CHCHD6: variants seen among roughly 807,000 people sequenced by gnomAD.
CHCHD6 encodes coiled-coil-helix-coiled-coil-helix domain containing 6.
In CHCHD6, 28 loss-of-function variants were observed where a neutral mutation model predicts 32.3. That is an observed-to-expected ratio of 0.87 (90% CI 0.64 to 1.19). CHCHD6 has a LOEUF of 1.19. Ranked by LOEUF, CHCHD6 falls within the 50% of genes most tolerant of loss-of-function variation. The pLI is 0.00. For missense variants in CHCHD6, 333 were observed against 307.0 expected (o/e 1.08, Z -0.63); for synonymous variants, 122 against 117.5 (o/e 1.04, Z -0.25).
intron 4 of CHCHD6, among the ~76,000 whole-genome samples, chr3:126,735,560 C>T (rs988047612): frequency 5.3e-5 from 8 of 151,312 alleles, no homozygotes; most frequent in Admixed American, 3.9e-4. Context: ...GATTGTAATT[C>T]CTCTGTGGAA....
intron 4 of CHCHD6, among the ~76,000 whole-genome samples, chr3:126,751,036 C>T (rs1349840545): frequency 6.6e-6 from 1 of 152,108 alleles, no homozygotes; most frequent in South Asian, 2.1e-4. Context: ...TCTAAGGCTT[C>T]TCATCTTTCT....
At position 126,960,280 on chromosome 3, in the gene CHCHD6, G is replaced by T; in HGVS notation, c.*79G>T. 1 of 1,525,344 alleles carries T rather than the reference G, an allele frequency of 6.6e-7. No homozygotes were observed. Among genetic ancestry groups the T allele is most frequent in the Non-Finnish European group, 8.9e-7 (1 of 1,125,320 alleles). 94.5% of individuals were successfully genotyped at this position (1,525,344 alleles called of 1,614,324 possible). ...CCAATCATGGGACCACAGCCACTGT[G>T]CCCTGCCGTTTCCTGCTGGGCCCCT... On this transcript the variant is annotated 3_prime_UTR_variant, in exon 8 of 8. Transcript: ENST00000290913.
intron 6 of CHCHD6, among the ~76,000 whole-genome samples, chr3:126,928,742 C>T (rs1484216907): frequency 6.6e-6 from 1 of 152,214 alleles, no homozygotes; most frequent in Non-Finnish European, 1.5e-5. Context: ...GTTCCAACGT[C>T]ATCATTCCCA....
intron 1 of CHCHD6, among the ~76,000 whole-genome samples, chr3:126,708,722 T>G (rs1934619498): frequency 1.3e-5 from 2 of 152,038 alleles, no homozygotes; most frequent in South Asian, 2.1e-4. Flanking sequence ...TTTCAATGCT[T>G]TTTAGTAAAC....
At chr3:126,853,272 AC>A (rs201444710) in intron 5 of CHCHD6, among the ~76,000 whole-genome samples, 4 of 148,106 alleles carry the variant, frequency 2.7e-5, no homozygotes, top group African/African-American at 1.0e-4. Flanking sequence ...AAAAAAAAAA[AC>A]CCCTACCACG....
intron 6 of CHCHD6, among the ~76,000 whole-genome samples, chr3:126,918,334 G>A (rs1424715753): frequency 6.6e-6 from 1 of 152,204 alleles, no homozygotes; most frequent in Admixed American, 6.5e-5. Flanking sequence ...TAAACTAGAT[G>A]TCCATGTATT....
intron 4 of CHCHD6, among the ~76,000 whole-genome samples, chr3:126,835,056 A>G (rs1433730385): frequency 6.6e-6 from 1 of 152,258 alleles, no homozygotes; most frequent in East Asian, 1.9e-4. Flanking sequence ...TTCTCCAGAG[A>G]AGTAGCCCGG....
chr3:126,770,596 GTT>G (rs1937525918), intron 4 of CHCHD6, among the ~76,000 whole-genome samples: 1 of 152,146 alleles, frequency 6.6e-6, no homozygotes, highest in African/African-American at 2.4e-5. Context: ...ATGTGGTTTT[GTT>G]TTTAGTTCAG....
At chr3:126,937,026 C>G (rs1205740763) in intron 6 of CHCHD6, among the ~76,000 whole-genome samples, 1 of 152,220 alleles carries the variant, frequency 6.6e-6, no homozygotes, top group Non-Finnish European at 1.5e-5. Context: ...TGGTTTGTGT[C>G]CCTGAGGAAT....
chr3:126,858,209 G>A (rs1010087387), intron 5 of CHCHD6, among the ~76,000 whole-genome samples: 1 of 151,416 alleles, frequency 6.6e-6, no homozygotes, highest in Non-Finnish European at 1.5e-5. Flanking sequence ...AAGGGGTGAA[G>A]GCAGCACAGC....
At chr3:126,888,229 A>G (rs367964268) in intron 5 of CHCHD6, among the ~76,000 whole-genome samples, 4 of 152,262 alleles carry the variant, frequency 2.6e-5, no homozygotes, top group South Asian at 2.1e-4. Context: ...TGGGGTTACC[A>G]TGCCACCAGG....
At chr3:126,771,208 TC>T (rs1559833978) in intron 4 of CHCHD6, among the ~76,000 whole-genome samples, 2 of 148,330 alleles carry the variant, frequency 1.3e-5, no homozygotes, top group East Asian at 3.9e-4. Context: ...TTTTTCCTTT[TC>T]TTTTTTTTTT....
intron 5 of CHCHD6, among the ~76,000 whole-genome samples, chr3:126,854,483 G>A (rs1227671461): frequency 1.3e-5 from 2 of 152,190 alleles, no homozygotes; most frequent in Non-Finnish European, 2.9e-5. Context: ...AATTGTATTA[G>A]TTTTGAAAAA....
intron 4 of CHCHD6, among the ~76,000 whole-genome samples, chr3:126,815,651 C>T (rs868186177): frequency 2.0e-5 from 3 of 150,626 alleles, no homozygotes; most frequent in Admixed American, 1.3e-4. Context: ...TTGCCCCCCC[C>T]CCCCCATCTG....
At chr3:126,920,211 C>CTTT (rs11414526) in intron 6 of CHCHD6, among the ~76,000 whole-genome samples, 3,513 of 138,100 alleles carry the variant, frequency 0.025, 53 homozygotes, top group Non-Finnish European at 0.034. Flanking sequence ...ATTTGCTTTG[C>CTTT]TTTTTTTTTT....
intron 6 of CHCHD6, among the ~76,000 whole-genome samples, chr3:126,947,723 G>A (rs2078659388): frequency 6.6e-6 from 1 of 152,176 alleles, no homozygotes; most frequent in Admixed American, 6.5e-5. Flanking sequence ...ACTCTCAAAT[G>A]AGGCCGAATT....
At chr3:126,862,692 C>T (rs1168460546) in intron 5 of CHCHD6, among the ~76,000 whole-genome samples, 4 of 125,536 alleles carry the variant, frequency 3.2e-5, no homozygotes, top group Admixed American at 7.8e-5. Context: ...CCTCCCCCTC[C>T]TCCACCATCA....
chr3:126,957,266 C>T, intron 6 of CHCHD6, 150 bp from the exon 7 acceptor site: 1 of 857,108 alleles, frequency 1.2e-6, no homozygotes, highest in Non-Finnish European at 1.8e-6. Flanking sequence ...CGGGAAAGCA[C>T]AGTGCTTCTC....
At chr3:126,926,233 CA>C (rs1207628752) in intron 6 of CHCHD6, among the ~76,000 whole-genome samples, 2 of 152,362 alleles carry the variant, frequency 1.3e-5, no homozygotes, top group East Asian at 1.9e-4. Context: ...CTGCCACTTA[CA>C]TGTCTGTTTT....
Sources: allele counts gnomAD v4.1 joint callset (sites outside exome capture counted in the v4.1 genomes callset), GRCh38; gene constraint gnomAD v4.1.1; transcripts MANE v1.5; gene names NCBI Gene and HGNC (gene_info 2026-07-23, HGNC 2026-07-21).